Variants in ASAP1 observed in about 807,000 individuals in gnomAD.
ASAP1 encodes the protein ArfGAP with SH3 domain, ankyrin repeat and PH domain 1.
ASAP1 carries 43 observed loss-of-function variants against 145.2 expected under a neutral mutation model. The ratio of observed to expected loss-of-function variants is 0.30; its 90% CI spans 0.23 to 0.38. The LOEUF is 0.38. ASAP1 is among the 10% of genes least tolerant of loss of function. The pLI is 1.00. For missense variants in ASAP1, 1,018 were observed against 1,355.3 expected (o/e 0.75, Z 3.91); for synonymous variants, 546 against 515.5 (o/e 1.06, Z -0.80).
chr8:130,357,109 G>A (rs1217669106), intron 3 of ASAP1, among the ~76,000 whole-genome samples: 3 of 152,186 alleles, frequency 2.0e-5, no homozygotes, highest in Admixed American at 6.5e-5. Context: ...GGCTTCTGCT[G>A]CTCCTTGGCT....
chr8:130,270,112 G>C (rs1048166291), intron 3 of ASAP1, among the ~76,000 whole-genome samples: 1 of 152,260 alleles, frequency 6.6e-6, no homozygotes, highest in Non-Finnish European at 1.5e-5. Context: ...AGATGCTGTA[G>C]TGAGCTGAGA....
At chr8:130,230,992 A>T (rs551655356) in intron 4 of ASAP1, among the ~76,000 whole-genome samples, 3 of 152,332 alleles carry the variant, frequency 2.0e-5, no homozygotes, top group African/African-American at 7.2e-5. Flanking sequence ...TTCAAGTTTG[A>T]GGAAATACTT....
chr8:130,364,492 A>G (rs923660683), intron 2 of ASAP1, among the ~76,000 whole-genome samples: 1 of 152,306 alleles, frequency 6.6e-6, no homozygotes, highest in Middle Eastern at 3.4e-3. Context: ...GACTCAAGCA[A>G]TCTGATTTCA....
At chr8:130,151,873 C>T (rs1300595778) in intron 13 of ASAP1, among the ~76,000 whole-genome samples, 6 of 152,176 alleles carry the variant, frequency 3.9e-5, no homozygotes, top group African/African-American at 7.2e-5. Context: ...GACAGACACC[C>T]GAGTTTGAAC....
intron 1 of ASAP1, among the ~76,000 whole-genome samples, chr8:130,437,907 T>TGG (rs1830371500): frequency 6.6e-6 from 1 of 151,792 alleles, no homozygotes; most frequent in African/African-American, 2.4e-5. Flanking sequence ...TGGAGGGACA[T>TGG]ACTTACTTTT....
chr8:130,160,550 G>C (rs962031123), intron 11 of ASAP1, among the ~76,000 whole-genome samples: 1 of 152,084 alleles, frequency 6.6e-6, no homozygotes, highest in African/African-American at 2.4e-5. Context: ...AAAGTGTTAT[G>C]ATGTCGTGGA....
intron 3 of ASAP1, among the ~76,000 whole-genome samples, chr8:130,351,853 C>T (rs1490815366): frequency 6.6e-6 from 1 of 152,208 alleles, no homozygotes; most frequent in Non-Finnish European, 1.5e-5. Flanking sequence ...AAAATCCAAA[C>T]CATATCAGGA....
chr8:130,284,448 T>G (rs1246249221), intron 3 of ASAP1, among the ~76,000 whole-genome samples: 4 of 152,172 alleles, frequency 2.6e-5, no homozygotes, highest in African/African-American at 9.6e-5. Flanking sequence ...TAACTCAACT[T>G]TTCTCTAAAG....
intron 3 of ASAP1, among the ~76,000 whole-genome samples, chr8:130,239,353 A>G (rs1456304307): frequency 1.3e-5 from 2 of 152,140 alleles, no homozygotes. Flanking sequence ...TAATTCTCAC[A>G]AAAGTCCTGT....
chr8:130,120,769 T>C (rs985318043), intron 18 of ASAP1, among the ~76,000 whole-genome samples: 8 of 152,214 alleles, frequency 5.3e-5, no homozygotes, highest in South Asian at 4.1e-4. Context: ...TCTGTGGCCA[T>C]AGGAAGTATC....
chr8:130,092,075 T>C lies in ASAP1; in HGVS notation c.2470A>G (p.Lys824Glu). 1 of 1,570,594 alleles carries C rather than the reference T, an allele frequency of 6.4e-7. No individual in the cohort carries two copies. The highest frequency in any genetic ancestry group is 2.0e-5 in the Admixed American group (1 of 49,896). ...GGTGGTGGGGGAGGAGGCCTCTTCT[T>C]GGATAGGGTGGAGCTGCCACTAGAG... Reference protein sequence around the residue: ...QTSSGSSTLSKKRPPPPPPGH... With the variant: ...QTSSGSSTLSEKRPPPPPPGH... The change falls in exon 25 of 30, where the codon AAG (lysine) becomes GAG (glutamate). Residue 824 changes from lysine to glutamate, a missense_variant. Transcript: ENST00000518721.
At chr8:130,167,713 A>G (rs2097682796) in intron 10 of ASAP1, 91 bp from the exon 11 acceptor site, 1 of 928,038 alleles carries the variant, frequency 1.1e-6, no homozygotes, top group Admixed American at 2.2e-5. Context: ...TCAAAATTCT[A>G]TTATATATTT....
intron 3 of ASAP1, among the ~76,000 whole-genome samples, chr8:130,339,768 A>G (rs1825264096): frequency 6.6e-6 from 1 of 152,184 alleles, no homozygotes; most frequent in Non-Finnish European, 1.5e-5. Context: ...CTGATGAGAA[A>G]TCTCAATGAT....
intron 5 of ASAP1, among the ~76,000 whole-genome samples, chr8:130,192,802 C>T (rs1422054383): frequency 1.3e-5 from 2 of 152,152 alleles, no homozygotes; most frequent in African/African-American, 4.8e-5. Context: ...CAGAACACTG[C>T]CTAGCACAGA....
At chr8:130,262,444 G>A (rs1819987276) in intron 3 of ASAP1, among the ~76,000 whole-genome samples, 2 of 129,500 alleles carry the variant, frequency 1.5e-5, no homozygotes, top group African/African-American at 5.8e-5. Flanking sequence ...GAGAGAGAGA[G>A]AGAGAGAGAG....
chr8:130,058,051 T>C lies in ASAP1; in HGVS notation c.3218A>G (p.Lys1073Arg). ...NTGKNKVRRV[K>R]TIYDCQADND... is the part of the protein sequence containing the mutation. ...GTCTGCCTGGCAGTCATAAATGGTC[T>C]TCACTCGCCTCACTTTATTTTTCCC... is the stretch of plus-strand genomic sequence containing the variant. Residue 1073 changes from lysine to arginine, a missense_variant, in exon 29 of 30, where the codon AAG (lysine) becomes AGG (arginine). By Grantham distance (26) the Lys-to-Arg change is conservative. Transcript: ENST00000518721. 1 of 1,613,898 alleles carries C rather than the reference T, an allele frequency of 6.2e-7. No homozygotes were observed. Among genetic ancestry groups the C allele is most frequent in the South Asian group, 1.1e-5 (1 of 91,088 alleles).
chr8:130,075,204 G>A (rs1041165222), intron 27 of ASAP1, among the ~76,000 whole-genome samples: 3 of 152,146 alleles, frequency 2.0e-5, no homozygotes, highest in Admixed American at 2.0e-4. Context: ...CAGCCCGTTG[G>A]GCAGAGTTTA....
intron 13 of ASAP1, among the ~76,000 whole-genome samples, chr8:130,140,363 T>C (rs1322105895): frequency 2.0e-5 from 3 of 151,882 alleles, no homozygotes; most frequent in East Asian, 1.9e-4. Context: ...TTTCTTTCTT[T>C]TTTTTTTAAA....
At chr8:130,187,161 G>GTTTT in intron 7 of ASAP1, 75 bp downstream of exon 7, 2 of 1,089,468 alleles carry the variant, frequency 1.8e-6, no homozygotes, top group Non-Finnish European at 1.3e-6. Flanking sequence ...TTCCAGTTAA[G>GTTTT]TTTTTTTTTT....
Sources: gnomAD v4.1 joint callset for allele counts (sites outside exome capture counted in the v4.1 genomes callset) on GRCh38, gnomAD v4.1.1 for gene constraint, MANE v1.5 for transcripts, NCBI Gene and HGNC (gene_info 2026-07-23, HGNC 2026-07-21) for gene names.